Variants in DGKI observed in about 807,000 individuals in gnomAD.
DGKI encodes the protein DAG kinase iota.
A neutral mutation model predicts 147.5 loss-of-function variants in DGKI; 55 were observed. The observed-to-expected ratio is 0.37, with a 90% CI of 0.30 to 0.47. The LOEUF is 0.47. Ranked by LOEUF, DGKI falls within the 20% of genes least tolerant of loss-of-function variation. DGKI has a pLI of 1.00. For missense variants in DGKI, 1,007 were observed against 1,323.8 expected (o/e 0.76, Z 3.71); for synonymous variants, 469 against 477.1 (o/e 0.98, Z 0.22).
intron 5 of DGKI, among the ~76,000 whole-genome samples, chr7:137,651,313 C>G (rs1822018348): frequency 6.6e-6 from 1 of 152,012 alleles, no homozygotes; most frequent in African/African-American, 2.4e-5. Flanking sequence ...GAATTGGAGA[C>G]AGTTGGATGG....
At chr7:137,669,600 G>A (rs564232684) in intron 3 of DGKI, among the ~76,000 whole-genome samples, 27 of 152,196 alleles carry the variant, frequency 1.8e-4, no homozygotes, top group African/African-American at 6.3e-4. Context: ...ACACAAACAC[G>A]CAAATGCAGC....
At chr7:137,604,525 G>T (rs1177134316) in intron 10 of DGKI, among the ~76,000 whole-genome samples, 1 of 152,094 alleles carries the variant, frequency 6.6e-6, no homozygotes, top group Non-Finnish European at 1.5e-5. Flanking sequence ...CAGCTGCCAT[G>T]TGTCTGTCCA....
At chr7:137,670,287 T>A (rs1822796545) in intron 3 of DGKI, among the ~76,000 whole-genome samples, 1 of 152,238 alleles carries the variant, frequency 6.6e-6, no homozygotes, top group South Asian at 2.1e-4. Flanking sequence ...ATAGCCTACA[T>A]ATACTATCAC....
chr7:137,817,931 T>A (rs907831656), intron 1 of DGKI, among the ~76,000 whole-genome samples: 1 of 152,236 alleles, frequency 6.6e-6, no homozygotes, highest in Non-Finnish European at 1.5e-5. Flanking sequence ...TAGTACGAAC[T>A]TATCAGTCAT....
At chr7:137,567,305 A>G (rs971470313) in intron 19 of DGKI, among the ~76,000 whole-genome samples, 1 of 151,918 alleles carries the variant, frequency 6.6e-6, no homozygotes, top group Non-Finnish European at 1.5e-5. Flanking sequence ...CTATTTTGCA[A>G]CCCTTAATGT....
At chr7:137,773,756 A>G (rs944905835) in intron 1 of DGKI, among the ~76,000 whole-genome samples, 1 of 152,222 alleles carries the variant, frequency 6.6e-6, no homozygotes, top group East Asian at 1.9e-4. Flanking sequence ...AATGCTTAAT[A>G]GCAGAAAGCT....
chr7:137,812,316 C>T (rs549368226), intron 1 of DGKI, among the ~76,000 whole-genome samples: 72 of 152,326 alleles, frequency 4.7e-4, no homozygotes, highest in African/African-American at 1.6e-3. Flanking sequence ...TGGCTTAGGA[C>T]AGGCCTGGTA....
At chr7:137,612,372 G>A (rs1820395149) in intron 8 of DGKI, among the ~76,000 whole-genome samples, 1 of 152,046 alleles carries the variant, frequency 6.6e-6, no homozygotes. Flanking sequence ...GTACCTGGAC[G>A]CATCTATGTG....
intron 2 of DGKI, among the ~76,000 whole-genome samples, chr7:137,686,167 C>T (rs1047996497): frequency 1.3e-5 from 2 of 152,180 alleles, no homozygotes; most frequent in Non-Finnish European, 2.9e-5. Flanking sequence ...GTTTGTAAGA[C>T]AATGCACTAC....
chr7:137,420,894 C>T (rs1010635276), intron 28 of DGKI, among the ~76,000 whole-genome samples: 4 of 152,158 alleles, frequency 2.6e-5, no homozygotes, highest in Admixed American at 2.6e-4. Flanking sequence ...CGGTGGAAGC[C>T]TGTAGTCCCA....
chr7:137,440,469 G>A (rs1006683564), intron 28 of DGKI, among the ~76,000 whole-genome samples: 1 of 152,214 alleles, frequency 6.6e-6, no homozygotes, highest in Non-Finnish European at 1.5e-5. Flanking sequence ...TGTTAGAGGA[G>A]GGAAGAATTA....
intron 1 of DGKI, among the ~76,000 whole-genome samples, chr7:137,812,517 C>T (rs1797621849): frequency 6.6e-6 from 1 of 152,176 alleles, no homozygotes; most frequent in African/African-American, 2.4e-5. Context: ...AGAAACCCTG[C>T]CCTTTCAGGC....
chr7:137,519,784 CCA>C (rs765245094), intron 21 of DGKI, among the ~76,000 whole-genome samples: 1 of 151,966 alleles, frequency 6.6e-6, no homozygotes, highest in East Asian at 1.9e-4. Flanking sequence ...TCCTGAAAAA[CCA>C]CAGTTAGAAG....
At chr7:137,420,286 C>T (rs1239790920) in intron 28 of DGKI, among the ~76,000 whole-genome samples, 4 of 152,162 alleles carry the variant, frequency 2.6e-5, no homozygotes, top group Non-Finnish European at 5.9e-5. Context: ...CACGTTTGCG[C>T]ATATACAAGG....
chr7:137,804,901 G>A (rs1434940489), intron 1 of DGKI, among the ~76,000 whole-genome samples: 1 of 152,086 alleles, frequency 6.6e-6, no homozygotes, highest in African/African-American at 2.4e-5. Context: ...CCTTTTTTAT[G>A]TTCAACTCAA....
chr7:137,621,642 G>T (rs762337414), intron 7 of DGKI, among the ~76,000 whole-genome samples: 1 of 152,202 alleles, frequency 6.6e-6, no homozygotes, highest in African/African-American at 2.4e-5. Context: ...TACAAGGTGG[G>T]AAACTGGGAA....
At chr7:137,399,002 A>AT (rs10523881) in intron 30 of DGKI, among the ~76,000 whole-genome samples, 5,036 of 145,504 alleles carry the variant, frequency 0.035, 179 homozygotes, top group African/African-American at 0.096. Context: ...CCAGGGTTCC[A>AT]TTTTTTTTTT....
chr7:137,806,180 G>A (rs371530716), intron 1 of DGKI, among the ~76,000 whole-genome samples: 8 of 152,202 alleles, frequency 5.3e-5, no homozygotes, highest in South Asian at 2.1e-4. Flanking sequence ...CGAGAAAAAC[G>A]GAGATATCAG....
chr7:137,829,338 T>C (rs1198363249), intron 1 of DGKI, among the ~76,000 whole-genome samples: 1 of 152,240 alleles, frequency 6.6e-6, no homozygotes, highest in African/African-American at 2.4e-5. Context: ...AGTTACACCC[T>C]GAAAGTACAA....
Sources: allele counts gnomAD v4.1 joint callset (sites outside exome capture counted in the v4.1 genomes callset), GRCh38; gene constraint gnomAD v4.1.1; transcripts MANE v1.5; gene names NCBI Gene and HGNC (gene_info 2026-07-23, HGNC 2026-07-21).